CNTNAP2: variants seen among roughly 807,000 people sequenced by gnomAD.
The protein encoded by CNTNAP2 is contactin-associated protein-like 2.
A neutral mutation model predicts 155.2 loss-of-function variants in CNTNAP2; 98 were observed. The ratio of observed to expected loss-of-function variants is 0.63; its 90% CI spans 0.54 to 0.75. The LOEUF is 0.75. CNTNAP2 is among the 30% of genes least tolerant of loss of function. CNTNAP2 has a pLI of 0.00. For synonymous variants in CNTNAP2, 651 were observed against 631.2 expected, an observed-to-expected ratio of 1.03 and a Z score of -0.47; for missense variants, 1,727 against 1,688.1, an observed-to-expected ratio of 1.02 and a Z score of -0.40.
At chr7:146,949,178 A>G (rs1037468174) in intron 3 of CNTNAP2, among the ~76,000 whole-genome samples, 2 of 152,176 alleles carry the variant, frequency 1.3e-5, no homozygotes, top group Non-Finnish European at 2.9e-5. Context: ...AACAATTTTG[A>G]AAGCCAATCA....
intron 10 of CNTNAP2, among the ~76,000 whole-genome samples, chr7:147,460,880 G>A (rs1798009793): frequency 1.3e-5 from 2 of 152,156 alleles, no homozygotes; most frequent in Non-Finnish European, 2.9e-5. Context: ...TCTAGTTAGG[G>A]AAGTCAAGCA....
At chr7:147,444,792 T>C (rs1797704075) in intron 10 of CNTNAP2, among the ~76,000 whole-genome samples, 1 of 152,256 alleles carries the variant, frequency 6.6e-6, no homozygotes, top group East Asian at 1.9e-4. Context: ...TAAAGGATGA[T>C]GTATTAGTCC....
In CNTNAP2 at chr7:146,670,790, C is replaced by G. The variant is rs182360373; in HGVS notation, c.98-103481C>G. Among the ~76,000 whole-genome samples the G allele has an allele frequency of 7.1e-4, 108 of 152,252 alleles. 1 individual carries two copies. Among genetic ancestry groups the G allele is most frequent in the Non-Finnish European group, 1.2e-3 (81 of 68,022 alleles). ...GAAGGACTGGAGTGAGAGGACCATT[C>G]TCACTATAGTCATAGCTAGCCACTC... On this transcript the variant is annotated intron_variant, in intron 1 of 23. Transcript: ENST00000361727.
intron 1 of CNTNAP2, among the ~76,000 whole-genome samples, chr7:146,502,255 A>G (rs933009261): frequency 9.7e-6 from 1 of 103,524 alleles, no homozygotes; most frequent in African/African-American, 4.4e-5. Context: ...ATATATATAT[A>G]TATATGTCAT....
intron 18 of CNTNAP2, among the ~76,000 whole-genome samples, chr7:148,205,151 G>A (rs541190681): frequency 1.3e-5 from 2 of 152,200 alleles, no homozygotes; most frequent in Non-Finnish European, 2.9e-5. Flanking sequence ...AACCACTAGG[G>A]TCAAGAATTC....
At chr7:146,554,145 C>T (rs1798161555) in intron 1 of CNTNAP2, among the ~76,000 whole-genome samples, 2 of 152,132 alleles carry the variant, frequency 1.3e-5, no homozygotes, top group South Asian at 4.2e-4. Context: ...TATCTACAAA[C>T]AACTGGAGCC....
intron 19 of CNTNAP2, among the ~76,000 whole-genome samples, chr7:148,222,437 T>C (rs1208893911): frequency 1.3e-5 from 2 of 152,290 alleles, no homozygotes; most frequent in African/African-American, 2.4e-5. Flanking sequence ...CCTCTTCTTA[T>C]AGACAGTCCC....
intron 1 of CNTNAP2, among the ~76,000 whole-genome samples, chr7:146,144,510 C>T (rs1268639964): frequency 6.6e-6 from 1 of 152,144 alleles, no homozygotes; most frequent in East Asian, 1.9e-4. Flanking sequence ...CAAAAAATTT[C>T]ATTCCTTCCT....
intron 8 of CNTNAP2, among the ~76,000 whole-genome samples, chr7:147,136,888 T>C (rs543140977): frequency 6.6e-6 from 1 of 152,050 alleles, no homozygotes; most frequent in East Asian, 1.9e-4. Context: ...TCTTAAATTC[T>C]TGTAACTCAA....
intron 18 of CNTNAP2, among the ~76,000 whole-genome samples, chr7:148,180,460 A>G (rs551606440): frequency 2.0e-5 from 3 of 152,260 alleles, no homozygotes; most frequent in African/African-American, 7.2e-5. Context: ...CTGGTGTTCC[A>G]TAGGGAGCAG....
chr7:146,484,562 A>C (rs1322612804), intron 1 of CNTNAP2, among the ~76,000 whole-genome samples: 6 of 152,158 alleles, frequency 3.9e-5, no homozygotes, highest in Admixed American at 3.9e-4. Flanking sequence ...AATCTTTTTC[A>C]TAAGGATGAA....
At chr7:147,168,056 T>C (rs1369743617) in intron 8 of CNTNAP2, among the ~76,000 whole-genome samples, 2 of 148,758 alleles carry the variant, frequency 1.3e-5, no homozygotes, top group Non-Finnish European at 3.0e-5. Flanking sequence ...ATAAAATGTA[T>C]ATAAACATAT....
At chr7:148,160,688 C>T (rs1805514500) in intron 17 of CNTNAP2, among the ~76,000 whole-genome samples, 1 of 152,076 alleles carries the variant, frequency 6.6e-6, no homozygotes, top group Non-Finnish European at 1.5e-5. Context: ...TCGGAAGGAT[C>T]CCTGGGGCTG....
intron 15 of CNTNAP2, among the ~76,000 whole-genome samples, chr7:147,988,155 G>T (rs940778311): frequency 2.0e-5 from 3 of 152,164 alleles, no homozygotes; most frequent in Admixed American, 2.0e-4. Flanking sequence ...ACAATTTGTT[G>T]AGTTTGTCTA....
At chr7:148,196,565 C>CT (rs1483350838) in intron 18 of CNTNAP2, among the ~76,000 whole-genome samples, 2 of 152,160 alleles carry the variant, frequency 1.3e-5, no homozygotes, top group Non-Finnish European at 2.9e-5. Flanking sequence ...CCGGCACTTT[C>CT]TAAGTGTATT....
At chr7:147,313,290 G>C (rs1473840989) in intron 9 of CNTNAP2, among the ~76,000 whole-genome samples, 1 of 151,468 alleles carries the variant, frequency 6.6e-6, no homozygotes, top group Admixed American at 6.6e-5. Context: ...ATCAATTTTG[G>C]CTTTTGTTGC....
At chr7:147,904,601 T>C (rs1799927273) in intron 14 of CNTNAP2, among the ~76,000 whole-genome samples, 1 of 152,230 alleles carries the variant, frequency 6.6e-6, no homozygotes, top group Admixed American at 6.5e-5. Flanking sequence ...TTCACCTATG[T>C]AGTATGCTAT....
chr7:147,731,193 A>G (rs999697385), intron 13 of CNTNAP2, among the ~76,000 whole-genome samples: 1 of 152,168 alleles, frequency 6.6e-6, no homozygotes, highest in African/African-American at 2.4e-5. Flanking sequence ...ATACTAAACA[A>G]CAGAGTTTCA....
At chr7:146,383,413 C>A (rs1795418481) in intron 1 of CNTNAP2, among the ~76,000 whole-genome samples, 1 of 152,028 alleles carries the variant, frequency 6.6e-6, no homozygotes, top group Non-Finnish European at 1.5e-5. Flanking sequence ...AGTCAGGTAG[C>A]TGGTTTTTAA....
Sources: allele counts gnomAD v4.1 joint callset (sites outside exome capture counted in the v4.1 genomes callset), GRCh38; gene constraint gnomAD v4.1.1; transcripts MANE v1.5; gene names NCBI Gene and HGNC (gene_info 2026-07-23, HGNC 2026-07-21).